SULT1E1: variants seen among roughly 807,000 people sequenced by gnomAD.
SULT1E1 encodes the protein sulfotransferase 1E1.
A neutral mutation model predicts 33.6 loss-of-function variants in SULT1E1; 36 were observed. That is an observed-to-expected ratio of 1.07 (90% CI 0.82 to 1.41). SULT1E1 has a LOEUF of 1.41. Ranked by LOEUF, SULT1E1 falls within the 40% of genes most tolerant of loss-of-function variation. SULT1E1 has a pLI of 0.00. For missense variants in SULT1E1, 371 were observed against 345.7 expected, an observed-to-expected ratio of 1.07 and a Z score of -0.58; for synonymous variants, 121 against 111.7, an observed-to-expected ratio of 1.08 and a Z score of -0.53.
the SULT1E1 span, among the ~76,000 whole-genome samples, chr4:69,821,356 G>A: frequency 1.3e-5 from 2 of 152,068 alleles, no homozygotes; most frequent in Non-Finnish European, 2.9e-5. Context: ...GAATAAGGCT[G>A]TATTATTTTT....
the SULT1E1 span, among the ~76,000 whole-genome samples, chr4:69,832,199 T>C: frequency 3.9e-5 from 6 of 152,144 alleles, no homozygotes; most frequent in African/African-American, 1.4e-4. Flanking sequence ...CCAGGTTCTG[T>C]TGCACTGTTA....
At chr4:69,825,651 T>G in the SULT1E1 span, among the ~76,000 whole-genome samples, 1 of 152,178 alleles carries the variant, frequency 6.6e-6, no homozygotes, top group African/African-American at 2.4e-5. Flanking sequence ...CTGCTTTTCC[T>G]GTACTTCTGG....
Position 69,841,957 on chromosome 4 carries a change from C to G in SULT1E1, c.*37G>C, listed in dbSNP as rs935365420. 8 of 1,117,362 alleles carry G rather than the reference C, an allele frequency of 7.2e-6. No individual in the cohort carries two copies. Among genetic ancestry groups the G allele is most frequent in the Middle Eastern group, 2.1e-4 (1 of 4,816 alleles). The allele number at this position is 1,117,362 out of a possible 1,614,324, so 69.2% of individuals were successfully genotyped here. On this transcript the variant is annotated 3_prime_UTR_variant, in exon 8 of 8. Coordinates refer to ENST00000226444, the MANE Select transcript of SULT1E1 (RefSeq NM_005420.3). ...AAAGTGGAGAATAATGAAAAGAAAT[C>G]TTTAATATCAGATATGTTAAGTAAA...
the SULT1E1 span, among the ~76,000 whole-genome samples, chr4:69,823,076 G>A: frequency 4.8e-3 from 728 of 152,280 alleles, 6 homozygotes; most frequent in African/African-American, 0.017. Flanking sequence ...AGACCTCAGG[G>A]TAAAGCAGGA....
At chr4:69,847,599 G>A (rs1721004519) in intron 6 of SULT1E1, 99 bp downstream of exon 6, 1 of 710,524 alleles carries the variant, frequency 1.4e-6, no homozygotes, top group Non-Finnish European at 2.2e-6. Flanking sequence ...CGAGATGGCT[G>A]TCATCATTTA....
In SULT1E1 at chr4:69,841,782, A is replaced by C. The variant is rs1458992855; in HGVS notation, c.*212T>G. The C allele has an allele frequency of 2.6e-6, 1 of 389,972 alleles. No homozygotes were observed. The highest frequency in any genetic ancestry group is 4.6e-5 in the Admixed American group (1 of 21,890). The allele number at this position is 389,972 out of a possible 1,614,324, so 24.2% of individuals were successfully genotyped here. ...ATTGAGTCAAGGAGGTCAAGGCTGC[A>C]ATCAGCCATGATTGTGCCACTGTCC... On this transcript the variant is annotated 3_prime_UTR_variant, in exon 8 of 8. Coordinates refer to ENST00000226444, the MANE Select transcript of SULT1E1 (RefSeq NM_005420.3).
intron 5 of SULT1E1, among the ~76,000 whole-genome samples, chr4:69,848,866 T>C (rs907513146): frequency 1.3e-5 from 2 of 151,928 alleles, no homozygotes; most frequent in Middle Eastern, 3.2e-3. Context: ...AAGTGTTTAA[T>C]AAAAACGAAA....
At chr4:69,824,075 T>G in the SULT1E1 span, among the ~76,000 whole-genome samples, 2 of 152,312 alleles carry the variant, frequency 1.3e-5, no homozygotes, top group African/African-American at 4.8e-5. Flanking sequence ...GATTTTCATA[T>G]AAGAGCCCTT....
At chr4:69,849,322 T>C in intron 5 of SULT1E1, 115 bp downstream of exon 5, 1 of 1,301,874 alleles carries the variant, frequency 7.7e-7, no homozygotes, top group Non-Finnish European at 1.1e-6. Context: ...TTTCTGTGTT[T>C]TAACTATGAA....
chr4:69,844,100 G>T, intron 7 of SULT1E1, 61 bp downstream of exon 7: 1 of 1,513,268 alleles, frequency 6.6e-7, no homozygotes, highest in Non-Finnish European at 9.2e-7. Context: ...CTAGATTTTT[G>T]CCTATAACCA....
chr4:69,837,564 G>T (rs1720814488), downstream of SULT1E1, among the ~76,000 whole-genome samples: 1 of 151,952 alleles, frequency 6.6e-6, no homozygotes, highest in Admixed American at 6.6e-5. Flanking sequence ...TTCCATTATT[G>T]TACAGATTGA....
At chr4:69,823,157 G>T in the SULT1E1 span, among the ~76,000 whole-genome samples, 1 of 152,112 alleles carries the variant, frequency 6.6e-6, no homozygotes, top group African/African-American at 2.4e-5. Context: ...CAAAGACAAG[G>T]TTTTGTTTAT....
the SULT1E1 span, among the ~76,000 whole-genome samples, chr4:69,832,598 T>C: frequency 6.6e-6 from 1 of 152,180 alleles, no homozygotes; most frequent in Non-Finnish European, 1.5e-5. Context: ...AGGTTTAGTA[T>C]ACCCCTTACT....
chr4:69,835,791 T>C, the SULT1E1 span, among the ~76,000 whole-genome samples: 16 of 152,260 alleles, frequency 1.1e-4, no homozygotes, highest in East Asian at 3.1e-3. Flanking sequence ...TATTTATTTA[T>C]TTATGTTATT....
At chr4:69,827,831 G>C in the SULT1E1 span, among the ~76,000 whole-genome samples, 2 of 152,310 alleles carry the variant, frequency 1.3e-5, no homozygotes, top group Admixed American at 6.5e-5. Context: ...AAATGGAGCA[G>C]GCCAATTACC....
At chr4:69,821,636 C>T in the SULT1E1 span, among the ~76,000 whole-genome samples, 8 of 152,170 alleles carry the variant, frequency 5.3e-5, no homozygotes, top group African/African-American at 1.4e-4. Flanking sequence ...TACTTTCATT[C>T]GTGTGTCTCT....
the SULT1E1 span, among the ~76,000 whole-genome samples, chr4:69,822,128 G>A: frequency 1.3e-5 from 2 of 152,048 alleles, no homozygotes; most frequent in Admixed American, 6.6e-5. Context: ...ATATCAATTA[G>A]GTTTTATGTA....
the SULT1E1 span, among the ~76,000 whole-genome samples, chr4:69,826,152 C>T: frequency 2.6e-5 from 4 of 152,222 alleles, no homozygotes; most frequent in South Asian, 4.1e-4. Flanking sequence ...GGAAAAAAGG[C>T]GTCACTCTTC....
At chr4:69,841,175 A>G (rs1054523777), downstream of SULT1E1, 2 of 152,192 alleles carry the variant, frequency 1.3e-5, no homozygotes, top group Admixed American at 6.5e-5. Context: ...TTTATTATAT[A>G]CTAATGTCCT....
Sources: allele counts gnomAD v4.1 joint callset (sites outside exome capture counted in the v4.1 genomes callset), GRCh38; gene constraint gnomAD v4.1.1; transcripts MANE v1.5; gene names NCBI Gene and HGNC (gene_info 2026-07-23, HGNC 2026-07-21).